TRDN: variants seen among roughly 807,000 people sequenced by gnomAD.
TRDN encodes the protein triadin in skeletal muscle.
TRDN carries 161 observed loss-of-function variants against 149.7 expected under a neutral mutation model. The ratio of observed to expected loss-of-function variants is 1.08; its 90% CI spans 0.95 to 1.23. The LOEUF (loss-of-function observed/expected upper bound fraction) is 1.23, where lower values mean the gene tolerates loss of function less well. Ranked by LOEUF, TRDN falls within the 50% of genes most tolerant of loss-of-function variation. The probability of loss-of-function intolerance (pLI) is 0.00; values close to 1 mark genes in which losing one functional copy is unlikely to be tolerated. For missense variants in TRDN, 896 were observed against 823.5 expected, an observed-to-expected ratio of 1.09 and a Z score of -1.08; for synonymous variants, 294 against 250.5, an observed-to-expected ratio of 1.17 and a Z score of -1.64.
intron 12 of TRDN, among the ~76,000 whole-genome samples, chr6:123,405,840 C>G (rs1011041576): frequency 6.6e-6 from 1 of 152,212 alleles, no homozygotes; most frequent in Admixed American, 6.5e-5. Flanking sequence ...TCCAATACTT[C>G]AAGTACTACA....
intron 21 of TRDN, among the ~76,000 whole-genome samples, chr6:123,345,251 TG>T (rs1780208177): frequency 6.6e-6 from 1 of 152,006 alleles, no homozygotes; most frequent in Non-Finnish European, 1.5e-5. Context: ...GAGGGTTTTT[TG>T]TTTTCTTTTT....
intron 10 of TRDN, chr6:123,457,724 C>T (rs1280164293): frequency 4.4e-6 from 1 of 229,252 alleles, no homozygotes; most frequent in Admixed American, 5.3e-5. Context: ...TCAGGCCAAG[C>T]CCTAGTACAG....
intron 2 of TRDN, among the ~76,000 whole-genome samples, chr6:123,563,547 T>A (rs1782113474): frequency 6.6e-6 from 1 of 152,142 alleles, no homozygotes; most frequent in Non-Finnish European, 1.5e-5. Context: ...TGGGAACACA[T>A]GGTTTTTTGT....
chr6:123,411,117 G>A (rs962282409), intron 12 of TRDN, among the ~76,000 whole-genome samples: 3 of 150,528 alleles, frequency 2.0e-5, no homozygotes, highest in African/African-American at 7.3e-5. Flanking sequence ...TGGGATATCG[G>A]CTCACTGCAA....
At chr6:123,305,568 A>C (rs1778577879) in intron 24 of TRDN, among the ~76,000 whole-genome samples, 1 of 152,174 alleles carries the variant, frequency 6.6e-6, no homozygotes, top group Non-Finnish European at 1.5e-5. Flanking sequence ...CAGAAAGTTC[A>C]CAAAACCGCC....
chr6:123,620,784 G>A (rs143925262), intron 1 of TRDN, among the ~76,000 whole-genome samples: 86 of 152,160 alleles, frequency 5.7e-4, no homozygotes, highest in African/African-American at 1.9e-3. Context: ...TCTAAAAGCA[G>A]GAAGAATAGA....
intron 24 of TRDN, among the ~76,000 whole-genome samples, chr6:123,316,175 C>T (rs867103217): frequency 2.0e-5 from 3 of 151,818 alleles, no homozygotes; most frequent in Admixed American, 1.3e-4. Context: ...TTCAATTGCC[C>T]AGTAAATAAA....
At chr6:123,443,864 G>C (rs893541272) in intron 10 of TRDN, among the ~76,000 whole-genome samples, 1 of 150,914 alleles carries the variant, frequency 6.6e-6, no homozygotes, top group Non-Finnish European at 1.5e-5. Flanking sequence ...GCTCTGTTCT[G>C]TTCTATTGAT....
chr6:123,502,223 C>T (rs981179817), intron 8 of TRDN: 3 of 980,584 alleles, frequency 3.1e-6, no homozygotes, highest in African/African-American at 1.8e-5. Context: ...TGTTTTTTTA[C>T]CACAGTAAAA....
chr6:123,561,634 C>A (rs926148440), intron 2 of TRDN, among the ~76,000 whole-genome samples: 32 of 152,170 alleles, frequency 2.1e-4, no homozygotes, highest in African/African-American at 7.7e-4. Flanking sequence ...TCCTTTAATA[C>A]CTGTTTTTCT....
At chr6:123,516,270 C>A in intron 5 of TRDN, 64 bp from the exon 6 acceptor site, 3 of 1,348,956 alleles carry the variant, frequency 2.2e-6, no homozygotes, top group Non-Finnish European at 2.9e-6. Flanking sequence ...GATGTTTGCA[C>A]GGCAGTCTTT....
intron 38 of TRDN, among the ~76,000 whole-genome samples, chr6:123,245,429 G>A (rs1776136284): frequency 6.6e-6 from 1 of 151,986 alleles, no homozygotes; most frequent in Non-Finnish European, 1.5e-5. Context: ...GAAAAAAAAA[G>A]CAGGGGTAGC....
intron 2 of TRDN, among the ~76,000 whole-genome samples, chr6:123,556,801 C>T (rs1781688493): frequency 2.0e-5 from 3 of 152,104 alleles, no homozygotes; most frequent in South Asian, 4.1e-4. Flanking sequence ...TGTCTACGCC[C>T]TCACAAAATT....
rs901275368 is a variant in TRDN, at chr6:123,565,927, C to A, written c.232+4996G>T. Among the ~76,000 whole-genome samples, 17 of 152,198 alleles carry A rather than the reference C, an allele frequency of 1.1e-4. 1 individual carries two copies. The South Asian group carries it at 3.3e-3, about 30-fold the overall frequency. On this transcript the variant is annotated intron_variant, in intron 2 of 40. Coordinates refer to ENST00000334268, the MANE Select transcript of TRDN (RefSeq NM_006073.4). The stretch of plus-strand genomic sequence containing the variant: ...AGTTTCAGTTTGTCCCAAGTCCCTC[C>A]CATTCTATCCATCTTCCCTTCCCAA...
chr6:123,425,191 A>G (rs1453001058), intron 12 of TRDN, among the ~76,000 whole-genome samples: 1 of 151,342 alleles, frequency 6.6e-6, no homozygotes, highest in African/African-American at 2.4e-5. Flanking sequence ...ATCTTCTAAT[A>G]AGAGGAAAAT....
At chr6:123,490,701 C>G (rs1044001120) in intron 9 of TRDN, among the ~76,000 whole-genome samples, 4 of 152,122 alleles carry the variant, frequency 2.6e-5, no homozygotes, top group Non-Finnish European at 5.9e-5. Context: ...TCTGTGGTTT[C>G]TAACTGCACA....
chr6:123,315,514 G>A (rs546714441), intron 24 of TRDN, among the ~76,000 whole-genome samples: 1 of 151,974 alleles, frequency 6.6e-6, no homozygotes, highest in African/African-American at 2.4e-5. Context: ...ATACATAGAA[G>A]GGTGATTTGT....
intron 9 of TRDN, among the ~76,000 whole-genome samples, chr6:123,479,064 T>C (rs1777626589): frequency 6.6e-6 from 1 of 152,150 alleles, no homozygotes; most frequent in Non-Finnish European, 1.5e-5. Context: ...AATGAGTGAG[T>C]AAACAAATGA....
At chr6:123,525,231 T>C (rs532782902) in intron 5 of TRDN, among the ~76,000 whole-genome samples, 157 of 152,118 alleles carry the variant, frequency 1.0e-3, no homozygotes, top group African/African-American at 3.6e-3. Context: ...AAAATCATTA[T>C]ATAAAAAAGA....
Sources: allele counts gnomAD v4.1 joint callset (sites outside exome capture counted in the v4.1 genomes callset), GRCh38; gene constraint gnomAD v4.1.1; transcripts MANE v1.5; gene names NCBI Gene and HGNC (gene_info 2026-07-23, HGNC 2026-07-21).